Variants in DPYS observed in about 807,000 individuals in gnomAD.
DPYS encodes dihydropyrimidinase.
A neutral mutation model predicts 50.3 loss-of-function variants in DPYS; 39 were observed. The observed-to-expected ratio is 0.78, with a 90% CI of 0.60 to 1.01. The LOEUF (loss-of-function observed/expected upper bound fraction) is 1.01. DPYS is among the 50% of genes least tolerant of loss of function. The pLI is 0.00. For synonymous variants in DPYS, 245 were observed against 250.7 expected (o/e 0.98, Z 0.22); for missense variants, 659 against 680.9 (o/e 0.97, Z 0.36).
At chr8:104,416,584 C>T (rs1227318249) in intron 7 of DPYS, among the ~76,000 whole-genome samples, 1 of 152,012 alleles carries the variant, frequency 6.6e-6, no homozygotes, top group African/African-American at 2.4e-5. Flanking sequence ...TAGAAACAGG[C>T]ATGAAAAGCA....
intron 7 of DPYS, among the ~76,000 whole-genome samples, chr8:104,393,363 A>G (rs1282206373): frequency 1.3e-5 from 2 of 152,138 alleles, no homozygotes; most frequent in Non-Finnish European, 2.9e-5. Context: ...GAACACACTG[A>G]CCCTATATCC....
intron 8 of DPYS, among the ~76,000 whole-genome samples, chr8:104,385,286 C>G (rs1342371869): frequency 6.6e-6 from 1 of 152,126 alleles, no homozygotes; most frequent in Non-Finnish European, 1.5e-5. Context: ...TGGTGATCTA[C>G]AAACATTTAT....
chr8:104,453,783 A>G (rs1299951958), intron 1 of DPYS, among the ~76,000 whole-genome samples: 3 of 152,234 alleles, frequency 2.0e-5, no homozygotes, highest in Non-Finnish European at 4.4e-5. Context: ...AAAAAGTAGA[A>G]ACAATACAAA....
intron 3 of DPYS, among the ~76,000 whole-genome samples, chr8:104,445,191 G>A (rs1588450681): frequency 6.6e-6 from 1 of 152,270 alleles, no homozygotes; most frequent in East Asian, 1.9e-4. Context: ...AAACTGCTCT[G>A]GAGAATAGTT....
chr8:104,444,373 T>TC lies in DPYS; in HGVS notation c.667dup (p.Glu223GlyfsTer34), dbSNP rs1360469981. 1.9e-6 allele frequency: 3 copies of TC among 1,614,224 alleles called. No homozygotes were observed. The highest frequency in any genetic ancestry group is 2.5e-6 in the Non-Finnish European group (3 of 1,180,032). ...CAGCGTGGCCTCTGCCTCCACTGCC[T>TC]CTGGGCGGCACAGCTCGTGGCCCTC... On this transcript the variant is annotated frameshift_variant, in exon 4 of 10. Transcript: ENST00000351513. LOFTEE classifies it high-confidence loss of function.
intron 4 of DPYS, among the ~76,000 whole-genome samples, chr8:104,431,071 G>A (rs780837720): frequency 7.9e-5 from 12 of 152,130 alleles, no homozygotes; most frequent in Non-Finnish European, 1.6e-4. Flanking sequence ...CCAAGGGAAC[G>A]TCTTACAGAT....
chr8:104,466,860 C>T lies in DPYS; in HGVS notation c.61G>A (p.Glu21Lys), dbSNP rs1449445572. ...GGRVVNDDFS[E>K]VADVLVEDGV... is the part of the protein sequence containing the mutation. The stretch of plus-strand genomic sequence containing the variant: ...TCCTCCACCAGCACGTCGGCCACCT[C>T]CGAGAAGTCATCGTTGACCACGCGA... Residue 21 changes from glutamate to lysine, a missense_variant, in exon 1 of 10, where the codon GAG (glutamate) becomes AAG (lysine). Transcript: ENST00000351513. 1 of 1,526,518 alleles carries T rather than the reference C, an allele frequency of 6.6e-7. No individual in the cohort carries two copies. The highest frequency in any genetic ancestry group is 1.4e-5 in the African/African-American group (1 of 71,428). 94.6% of individuals were successfully genotyped at this position (1,526,518 alleles called of 1,614,324 possible). A position where few individuals can be genotyped will look rare whatever the true frequency, so the allele number is the denominator to read the frequency against.
intron 7 of DPYS, among the ~76,000 whole-genome samples, chr8:104,406,784 T>C (rs1812011489): frequency 6.6e-6 from 1 of 152,202 alleles, no homozygotes; most frequent in Non-Finnish European, 1.5e-5. Flanking sequence ...TGTATGTGTA[T>C]ATCTATGCAC....
At chr8:104,416,965 A>G (rs1812390770) in intron 7 of DPYS, among the ~76,000 whole-genome samples, 1 of 152,124 alleles carries the variant, frequency 6.6e-6, no homozygotes, top group South Asian at 2.1e-4. Flanking sequence ...GGGCACCATC[A>G]TAAGCCGCAA....
At chr8:104,456,269 T>G (rs1293591300) in intron 1 of DPYS, among the ~76,000 whole-genome samples, 1 of 152,172 alleles carries the variant, frequency 6.6e-6, no homozygotes, top group Admixed American at 6.5e-5. Context: ...AATGTATTCC[T>G]GCTATTAAGT....
At chr8:104,421,731 A>C (rs1812554943) in intron 7 of DPYS, among the ~76,000 whole-genome samples, 1 of 152,240 alleles carries the variant, frequency 6.6e-6, no homozygotes, top group Non-Finnish European at 1.5e-5. Flanking sequence ...TTTGACCTTA[A>C]GTTAGTTATT....
intron 7 of DPYS, among the ~76,000 whole-genome samples, chr8:104,402,151 G>A (rs1811838206): frequency 6.6e-6 from 1 of 152,224 alleles, no homozygotes; most frequent in Admixed American, 6.5e-5. Flanking sequence ...ATTTAGACAT[G>A]AGCAAGCTGA....
chr8:104,447,547 T>G (rs1197359473), intron 2 of DPYS, 44 bp from the exon 3 acceptor site: 6 of 1,601,022 alleles, frequency 3.7e-6, no homozygotes, highest in African/African-American at 2.7e-5. Context: ...TTACTCTAAT[T>G]TAAATGATAA....
intron 4 of DPYS, among the ~76,000 whole-genome samples, chr8:104,433,973 T>C (rs373679620): frequency 9.9e-4 from 151 of 152,274 alleles, no homozygotes; most frequent in African/African-American, 3.5e-3. Flanking sequence ...AAGGCAAATA[T>C]GAGTAACCAA....
intron 4 of DPYS, among the ~76,000 whole-genome samples, chr8:104,437,103 G>A (rs1390196333): frequency 1.3e-5 from 2 of 152,098 alleles, no homozygotes; most frequent in Non-Finnish European, 1.5e-5. Context: ...AAGACATGGA[G>A]GATTATGATG....
chr8:104,385,854 C>G (rs1204459287), intron 8 of DPYS, among the ~76,000 whole-genome samples: 2 of 152,244 alleles, frequency 1.3e-5, no homozygotes, highest in Non-Finnish European at 2.9e-5. Flanking sequence ...AGAAGGCCCT[C>G]TCTAGATGCC....
intron 8 of DPYS, among the ~76,000 whole-genome samples, chr8:104,386,315 T>C (rs1670697861): frequency 6.6e-6 from 1 of 152,004 alleles, no homozygotes; most frequent in Admixed American, 6.6e-5. Context: ...GGCTGATCAC[T>C]TGAGGTCAGG....
chr8:104,428,269 A>T, intron 5 of DPYS, 148 bp from the exon 6 acceptor site: 1 of 1,036,552 alleles, frequency 9.6e-7, no homozygotes, highest in Non-Finnish European at 1.5e-6. Flanking sequence ...TCAAGAACAT[A>T]TTTCATCCCT....
At chr8:104,391,127 T>C (rs1811373340) in intron 8 of DPYS, among the ~76,000 whole-genome samples, 1 of 152,170 alleles carries the variant, frequency 6.6e-6, no homozygotes, top group South Asian at 2.1e-4. Context: ...GAAAACTTGT[T>C]TACCTAATCA....
Sources: allele counts gnomAD v4.1 joint callset (sites outside exome capture counted in the v4.1 genomes callset), GRCh38; gene constraint gnomAD v4.1.1; transcripts MANE v1.5; gene names NCBI Gene and HGNC (gene_info 2026-07-23, HGNC 2026-07-21).